SP140L: variants seen among roughly 807,000 people sequenced by gnomAD.
The protein encoded by SP140L is SP140 like nuclear body protein, also known as nuclear body protein SP140-like protein.
A neutral mutation model predicts 84.3 loss-of-function variants in SP140L; 64 were observed. The observed-to-expected ratio is 0.76, with a 90% CI of 0.62 to 0.94. The LOEUF is 0.94. Ranked by LOEUF, SP140L falls within the 40% of genes least tolerant of loss-of-function variation. SP140L has a pLI of 0.00. For missense variants in SP140L, 628 were observed against 692.5 expected (o/e 0.91, Z 1.05); for synonymous variants, 242 against 236.9 (o/e 1.02, Z -0.20).
Position 230,392,077 on chromosome 2 carries a change from G to A in SP140L, c.965-10G>A, listed in dbSNP as rs2061835805. On this transcript the variant is annotated splice_polypyrimidine_tract_variant and intron_variant, in intron 11 of 18. Transcript: ENST00000415673. Reference sequence around the variant, plus strand: ...AGAGGGCTCAGGATCAAGTTACCCTGGTCTTACAGGAACCTTGGCAAAGTG... The same window carrying A: ...AGAGGGCTCAGGATCAAGTTACCCTAGTCTTACAGGAACCTTGGCAAAGTG... 2.5e-6 allele frequency: 4 copies of A among 1,613,712 alleles called. No homozygotes were observed. Among genetic ancestry groups the A allele is most frequent in the Non-Finnish European group, 3.4e-6 (4 of 1,179,728 alleles).
intron 2 of SP140L, among the ~76,000 whole-genome samples, chr2:230,337,895 T>G (rs938832150): frequency 3.3e-5 from 5 of 152,036 alleles, no homozygotes; most frequent in Non-Finnish European, 7.4e-5. Context: ...TTGGTTACTG[T>G]AGCCCTGTAG....
At chr2:230,400,659 C>A in intron 15 of SP140L, 1 of 591,774 alleles carries the variant, frequency 1.7e-6, no homozygotes, top group Non-Finnish European at 2.9e-6. Flanking sequence ...GTTTCTGACA[C>A]ACAGGCCTGG....
chr2:230,363,521 G>T (rs1362039467), intron 5 of SP140L, among the ~76,000 whole-genome samples: 13 of 146,592 alleles, frequency 8.9e-5, no homozygotes, highest in African/African-American at 2.5e-4. Context: ...ATTTGTTTTT[G>T]TTTTTTTTTT....
At position 230,393,434 on chromosome 2, in the gene SP140L, T is replaced by C; in HGVS notation, c.1128T>C (p.Pro376=). ...TTCAGGAAGGATCTCTACCTAATCC[T>C]CCAAGAATATATTACAGGAACAAAA... ...RLMEEGSLPN[P]PRIYYRNKKR... The change falls in exon 13 of 19, where the codon CCT becomes CCC. Residue 376 remains proline, a synonymous_variant. Transcript: ENST00000415673. The C allele has an allele frequency of 6.3e-7, 1 of 1,586,530 alleles. No individual in the cohort carries two copies. Among genetic ancestry groups the C allele is most frequent in the Non-Finnish European group, 8.6e-7 (1 of 1,168,612 alleles).
At chr2:230,358,637 C>T (rs1012656256) in intron 3 of SP140L, among the ~76,000 whole-genome samples, 13 of 152,176 alleles carry the variant, frequency 8.5e-5, no homozygotes, top group Non-Finnish European at 1.8e-4. Flanking sequence ...AACAGCCACT[C>T]ATTGATTGCC....
intron 5 of SP140L, among the ~76,000 whole-genome samples, chr2:230,370,349 G>A (rs534563865): frequency 6.6e-6 from 1 of 152,138 alleles, no homozygotes; most frequent in East Asian, 1.9e-4. Flanking sequence ...GAGGTCACCC[G>A]AGGAATGTGT....
chr2:230,368,538 TC>T (rs1354056146), intron 5 of SP140L, among the ~76,000 whole-genome samples: 3 of 152,196 alleles, frequency 2.0e-5, no homozygotes, highest in African/African-American at 7.2e-5. Flanking sequence ...CTTTAAATAA[TC>T]TTTCTATCCC....
chr2:230,383,542 G>T lies in SP140L; in HGVS notation c.670G>T (p.Gly224Ter). 6.2e-7 allele frequency: 1 copy of T among 1,606,822 alleles called. No individual in the cohort carries two copies. The highest frequency in any genetic ancestry group is 8.5e-7 in the Non-Finnish European group (1 of 1,176,590). The change falls in exon 8 of 19, where the codon GGA becomes TGA. Residue 224 changes from glycine to a stop codon, truncating the protein, a stop_gained. Transcript: ENST00000415673. LOFTEE classifies it high-confidence loss of function. The part of the protein sequence containing the change: ...KKKGHGWSRM[G>*]TRTQKNNQQN... ...GAAGGGGCATGGCTGGAGCAGAATG[G>T]GAACGAGAACGCAGAAAAACAACCA...
At chr2:230,363,737 A>G (rs972426050) in intron 5 of SP140L, among the ~76,000 whole-genome samples, 1 of 152,048 alleles carries the variant, frequency 6.6e-6, no homozygotes, top group Admixed American at 6.6e-5. Flanking sequence ...TACCAAAAAC[A>G]TAATTGCTCA....
chr2:230,327,316 C>A lies in SP140L; in HGVS notation c.32+15C>A, dbSNP rs758306069. 1.2e-6 allele frequency: 2 copies of A among 1,608,630 alleles called. No individual in the cohort carries two copies. The highest frequency in any genetic ancestry group is 2.2e-5 in the South Asian group (2 of 90,004). On this transcript the variant is annotated intron_variant, in intron 1 of 18. Coordinates refer to ENST00000415673, the MANE Select transcript of SP140L (RefSeq NM_138402.6). ...CTGAGCACCAGGTGAGTCTTTATCT[C>A]TCTTCCTTTCACCTTTATCTCTGGC...
In SP140L at chr2:230,396,843, T is replaced by C. The variant is rs191516009; in HGVS notation, c.1197+45T>C. The C allele has an allele frequency of 4.3e-3, 6,850 of 1,607,434 alleles. 27 individuals are homozygous for C. The highest frequency in any genetic ancestry group is 5.5e-3 in the Middle Eastern group (33 of 6,036). On this transcript the variant is annotated intron_variant, in intron 14 of 18. Coordinates refer to ENST00000415673, the MANE Select transcript of SP140L (RefSeq NM_138402.6). Reference sequence around the variant, plus strand: ...TACAACCCCCAGAATATTCCACTTCTTTCTCCAGGCATATGTTCTGTGTCA... The same window carrying C: ...TACAACCCCCAGAATATTCCACTTCCTTCTCCAGGCATATGTTCTGTGTCA...
rs536638544 is a variant in SP140L at position 230,379,281 on chromosome 2, G to GT, written c.638-4222dup. Among the ~76,000 whole-genome samples, 786 of 151,874 alleles carry GT rather than the reference G, an allele frequency of 5.2e-3. 2 individuals are homozygous for GT. The highest frequency in any genetic ancestry group is 0.018 in the African/African-American group (740 of 41,448). ...GTAGTGTTGACCATTCTTAATTTGT[G>GT]TTTTTTTGTGTGTCTCTTTCCTGAT... On this transcript the variant is annotated intron_variant, in intron 7 of 18. Transcript: ENST00000415673.
chr2:230,375,813 C>G (rs990758419), intron 7 of SP140L, among the ~76,000 whole-genome samples: 1 of 152,028 alleles, frequency 6.6e-6, no homozygotes, highest in African/African-American at 2.4e-5. Context: ...GGGCAATAAC[C>G]CTTATCAAAT....
intron 5 of SP140L, among the ~76,000 whole-genome samples, chr2:230,363,955 CT>C (rs1321859960): frequency 1.3e-5 from 2 of 152,158 alleles, no homozygotes; most frequent in African/African-American, 4.8e-5. Flanking sequence ...TTCTTGGCAC[CT>C]TTGTTGAAAA....
At chr2:230,361,756 A>T in intron 5 of SP140L, 59 bp downstream of exon 5, 1 of 1,332,776 alleles carries the variant, frequency 7.5e-7, no homozygotes, top group Non-Finnish European at 1.1e-6. Flanking sequence ...GAGACAAGGG[A>T]GGTGAGGGCC....
intron 2 of SP140L, among the ~76,000 whole-genome samples, chr2:230,335,793 G>A (rs1340832886): frequency 6.6e-6 from 1 of 152,162 alleles, no homozygotes; most frequent in African/African-American, 2.4e-5. Flanking sequence ...ATGTGGAGGT[G>A]GGGCAAGCCT....
At chr2:230,368,137 T>C (rs1352195605) in intron 5 of SP140L, among the ~76,000 whole-genome samples, 1 of 152,220 alleles carries the variant, frequency 6.6e-6, no homozygotes, top group East Asian at 1.9e-4. Flanking sequence ...ATAATTCCCT[T>C]TAGTATTTCT....
chr2:230,378,470 G>A (rs7607380), intron 7 of SP140L, among the ~76,000 whole-genome samples: 107,945 of 151,992 alleles, frequency 0.71, 38,908 homozygotes, highest in Middle Eastern at 0.76. Context: ...AGTTTTCTCC[G>A]GAACTCCCCT....
chr2:230,350,824 G>A (rs2060341312), intron 2 of SP140L, among the ~76,000 whole-genome samples: 3 of 152,060 alleles, frequency 2.0e-5, no homozygotes, highest in Admixed American at 2.0e-4. Context: ...AGTGAATCAA[G>A]GATCAAAAAG....
Sources: allele counts gnomAD v4.1 joint callset (sites outside exome capture counted in the v4.1 genomes callset), GRCh38; gene constraint gnomAD v4.1.1; transcripts MANE v1.5; gene names NCBI Gene and HGNC (gene_info 2026-07-23, HGNC 2026-07-21).